TCFL5: variants seen among roughly 807,000 people sequenced by gnomAD.
TCFL5 encodes the protein transcription factor-like 5 protein.
Under a neutral mutation model 44.3 loss-of-function variants are expected in TCFL5, and 9 were observed. The observed-to-expected ratio is 0.20, with a 90% CI of 0.12 to 0.35. The LOEUF (loss-of-function observed/expected upper bound fraction) is 0.35. Among genes scored for constraint, TCFL5 ranks in the 10% least tolerant of loss-of-function variants. The probability of loss-of-function intolerance (pLI) is 1.00; values close to 1 mark genes in which losing one functional copy is unlikely to be tolerated. For missense variants in TCFL5, 603 were observed against 613.4 expected (o/e 0.98, Z 0.18); for synonymous variants, 319 against 271.6 (o/e 1.17, Z -1.72).
chr20:62,861,382 C>T lies in TCFL5; in HGVS notation c.289G>A (p.Gly97Ser). ...ACGGGCGCCGCGCCCCCCTGACCGC[C>T]CGCCGCGAAGCCGCCCGCGCCTGCG... ...PGAGAGGFAA[G>S]GQGGAAPVYP... The change falls in exon 1 of 6, where the codon GGC (glycine) becomes AGC (serine). Residue 97 changes from glycine (G) to serine (S), a missense_variant. Gly to Ser is a moderately conservative substitution (Grantham distance 56). Coordinates refer to ENST00000335351, the MANE Select transcript of TCFL5 (RefSeq NM_006602.4). The surrounding 1 kb of genome is among the most constrained non-coding windows in gnomAD (Gnocchi z 4.0). 1.9e-6 allele frequency: 2 copies of T among 1,075,268 alleles called. No individual in the cohort carries two copies. The highest frequency in any genetic ancestry group is 2.2e-6 in the Non-Finnish European group (2 of 891,950). The allele number at this position is 1,075,268 out of a possible 1,614,324, so 66.6% of individuals were successfully genotyped here. A position where few individuals can be genotyped will look rare whatever the true frequency, so the allele number is the denominator to read the frequency against.
intron 5 of TCFL5, chr20:62,851,483 T>C: frequency 2.0e-6 from 2 of 975,822 alleles, no homozygotes; most frequent in Non-Finnish European, 2.4e-6. Flanking sequence ...GCCAAAACAT[T>C]AAAGCATTTT....
At chr20:62,850,446 AG>A (rs2063792996) in intron 5 of TCFL5, among the ~76,000 whole-genome samples, 1 of 151,764 alleles carries the variant, frequency 6.6e-6, no homozygotes, top group Admixed American at 6.6e-5. Context: ...CCAGCCACCG[AG>A]GCCAAACCCT....
chr20:62,842,548 C>T lies in TCFL5; in HGVS notation c.1381-451G>A, dbSNP rs991390945. Among the ~76,000 whole-genome samples the T allele has an allele frequency of 6.6e-6, 1 of 152,084 alleles. No individual in the cohort carries two copies. The highest frequency in any genetic ancestry group is 2.1e-4 in the South Asian group (1 of 4,820). ...AGGCCGAGGTGGGTGGATCACCTGA[C>T]GTCAGGAGTTCAGGACCAGCCTGAT... On this transcript the variant is annotated intron_variant, in intron 5 of 5. Coordinates refer to ENST00000335351, the MANE Select transcript of TCFL5 (RefSeq NM_006602.4). The surrounding 1 kb of genome is among the most constrained non-coding windows in gnomAD (Gnocchi z 4.3).
At chr20:62,855,781 T>C (rs1013457191) in intron 4 of TCFL5, among the ~76,000 whole-genome samples, 1 of 151,776 alleles carries the variant, frequency 6.6e-6, no homozygotes, top group African/African-American at 2.4e-5. Flanking sequence ...AATAAAAAAA[T>C]AAATAAATAA....
At chr20:62,858,780 G>A (rs111594821) in intron 3 of TCFL5, among the ~76,000 whole-genome samples, 64 of 87,322 alleles carry the variant, frequency 7.3e-4, no homozygotes, top group East Asian at 1.8e-3. Flanking sequence ...GGAGGAAGGG[G>A]CTACGCAGGT....
intron 4 of TCFL5, among the ~76,000 whole-genome samples, chr20:62,854,863 T>G (rs1263163251): frequency 6.6e-6 from 1 of 152,254 alleles, no homozygotes; most frequent in African/African-American, 2.4e-5. Flanking sequence ...TTAGAGACTT[T>G]GCCAGTAAAA....
Position 62,860,273 on chromosome 20 carries a change from A to G in TCFL5, c.683T>C (p.Met228Thr), listed in dbSNP as rs142334458. The G allele has an allele frequency of 7.5e-5, 121 of 1,612,946 alleles. No individual in the cohort carries two copies. Among genetic ancestry groups the G allele is most frequent in the Non-Finnish European group, 9.5e-5 (112 of 1,179,124 alleles). The change falls in exon 2 of 6, where the codon ATG (methionine) becomes ACG (threonine). Residue 228 changes from methionine (M) to threonine (T), a missense_variant. Met to Thr is a moderately conservative substitution (Grantham distance 81, BLOSUM62 -1). Coordinates refer to ENST00000335351, the MANE Select transcript of TCFL5 (RefSeq NM_006602.4). ...VTLIRHPSEL[M>T]NVPLQQQNKC... is the part of the protein sequence containing the mutation. Reference sequence around the variant, plus strand: ...GTTTTGTTGCTGAAGAGGAACATTCATTAGTTCAGATGGATGTCGAATGAG... The same window carrying G: ...GTTTTGTTGCTGAAGAGGAACATTCGTTAGTTCAGATGGATGTCGAATGAG...
intron 5 of TCFL5, among the ~76,000 whole-genome samples, chr20:62,846,638 C>A (rs920172345): frequency 6.6e-6 from 1 of 151,672 alleles, no homozygotes; most frequent in South Asian, 2.1e-4. Context: ...TGGTGAGGGG[C>A]GCCTACGGTC....
In TCFL5 at chr20:62,841,125, TA is replaced by T. The variant is rs966596555; in HGVS notation, c.*849del. The T allele has an allele frequency of 3.7e-5, 8 of 218,680 alleles. No homozygotes were observed. The highest frequency in any genetic ancestry group is 1.9e-4 in the African/African-American group (8 of 42,618). 13.5% of individuals were successfully genotyped at this position (218,680 alleles called of 1,614,324 possible). A position where few individuals can be genotyped will look rare whatever the true frequency, so the allele number is the denominator to read the frequency against. ...TGACTGGCTACAGAGTAACAAAAAATAAAGAATTTAATGTACAGTAAATTCT... is the reference window on the plus strand; with the variant it reads ...TGACTGGCTACAGAGTAACAAAAAATAAGAATTTAATGTACAGTAAATTCT... On this transcript the variant is annotated 3_prime_UTR_variant, in exon 6 of 6. Transcript: ENST00000335351.
At position 62,853,006 on chromosome 20, in the gene TCFL5, G is replaced by A. The variant is rs193007482; in HGVS notation, c.1380+1010C>T. 205 of 1,244,666 alleles carry A rather than the reference G, an allele frequency of 1.6e-4. No homozygotes were observed. In the African/African-American group the frequency reaches 2.8e-3, roughly 17 times the overall value. The allele number at this position is 1,244,666 out of a possible 1,614,324, so 77.1% of individuals were successfully genotyped here. ...CGGCTGAAGTACATTCACCCAGTCC[G>A]CAGAAGTATAGTCACCCGGTCCACA... On this transcript the variant is annotated intron_variant, in intron 5 of 5. Transcript: ENST00000335351.
At chr20:62,860,660 C>A (rs190173367) in intron 1 of TCFL5, among the ~76,000 whole-genome samples, 3 of 152,348 alleles carry the variant, frequency 2.0e-5, no homozygotes, top group African/African-American at 7.2e-5. Flanking sequence ...CGGCTGCAGG[C>A]TGGAGCCTCA....
intron 5 of TCFL5, among the ~76,000 whole-genome samples, chr20:62,848,653 G>A (rs757921552): frequency 3.2e-4 from 48 of 151,682 alleles, no homozygotes; most frequent in Non-Finnish European, 3.4e-4. Flanking sequence ...CAGGAGAATC[G>A]CTTGAATCCA....
intron 5 of TCFL5, chr20:62,846,223 T>G (rs528223061): frequency 7.4e-6 from 5 of 671,858 alleles, no homozygotes; most frequent in Non-Finnish European, 1.1e-5. Context: ...AACTAGGCGC[T>G]CGCAAGATCT....
chr20:62,859,256 C>G (rs560493267), intron 3 of TCFL5, 108 bp downstream of exon 3: 1 of 1,097,410 alleles, frequency 9.1e-7, no homozygotes, highest in Admixed American at 2.3e-5. Context: ...AAGACTGTTT[C>G]ACATGTGTAC....
chr20:62,850,610 C>T lies in TCFL5; in HGVS notation c.1380+3406G>A, dbSNP rs541046084. On this transcript the variant is annotated intron_variant, in intron 5 of 5. Coordinates refer to ENST00000335351, the MANE Select transcript of TCFL5 (RefSeq NM_006602.4). ...CAGACTCCTGGTTTCCACTCTCACC[C>T]CAGCCCAGCTCCTACTCCCTAGCAT... 3.3e-5 allele frequency among the ~76,000 whole-genome samples: 5 copies of T among 152,276 alleles called. No individual in the cohort carries two copies. In the South Asian group the frequency reaches 1.0e-3, roughly 32 times the overall value.
intron 5 of TCFL5, among the ~76,000 whole-genome samples, chr20:62,847,958 C>A (rs1417528105): frequency 6.6e-6 from 1 of 151,812 alleles, no homozygotes; most frequent in Non-Finnish European, 1.5e-5. Flanking sequence ...TCAGGAGGTA[C>A]AGACAAGCGC....
chr20:62,847,647 G>T (rs1282660419), intron 5 of TCFL5, among the ~76,000 whole-genome samples: 2 of 152,292 alleles, frequency 1.3e-5, no homozygotes, highest in African/African-American at 4.8e-5. Context: ...ATTCTGCCAC[G>T]AACAAGCTAC....
At chr20:62,843,106 G>A (rs1174153047) in intron 5 of TCFL5, among the ~76,000 whole-genome samples, 4 of 152,236 alleles carry the variant, frequency 2.6e-5, no homozygotes, top group African/African-American at 4.8e-5. Context: ...ATGTGGAAAC[G>A]TCTACGGGAC....
chr20:62,860,693 A>C (rs2063983365), intron 1 of TCFL5, among the ~76,000 whole-genome samples: 1 of 152,082 alleles, frequency 6.6e-6, no homozygotes, highest in Non-Finnish European at 1.5e-5. Context: ...AAGCCTGCAA[A>C]CCCCCGTCGG....
Sources: gnomAD v4.1 joint callset for allele counts (sites outside exome capture counted in the v4.1 genomes callset) on GRCh38, gnomAD v4.1.1 for gene constraint, Gnocchi (gnomAD v3.1) non-coding constraint, MANE v1.5 for transcripts, NCBI Gene and HGNC (gene_info 2026-07-23, HGNC 2026-07-21) for gene names.